Variants in EFCAB11 observed in about 807,000 individuals in gnomAD.
EFCAB11 encodes EF-hand calcium-binding domain-containing protein 11.
A neutral mutation model predicts 23.0 loss-of-function variants in EFCAB11; 14 were observed. The observed-to-expected ratio is 0.61, with a 90% CI of 0.40 to 0.95. EFCAB11 has a LOEUF of 0.95. Among genes scored for constraint, EFCAB11 ranks in the 40% least tolerant of loss-of-function variants. The probability of loss-of-function intolerance (pLI) is 0.00; values close to 1 mark genes in which losing one functional copy is unlikely to be tolerated. For missense variants in EFCAB11, 198 were observed against 195.8 expected, an observed-to-expected ratio of 1.01 and a Z score of -0.07; for synonymous variants, 65 against 66.6, an observed-to-expected ratio of 0.98 and a Z score of 0.11.
chr14:89,932,087 C>A (rs925100422), intron 4 of EFCAB11, among the ~76,000 whole-genome samples: 1 of 152,180 alleles, frequency 6.6e-6, no homozygotes, highest in Non-Finnish European at 1.5e-5. Flanking sequence ...TGAGTCTTTT[C>A]ATTCTGTGTA....
At chr14:89,910,529 G>A (rs1275808398) in intron 5 of EFCAB11, among the ~76,000 whole-genome samples, 4 of 152,056 alleles carry the variant, frequency 2.6e-5, no homozygotes, top group African/African-American at 9.7e-5. Flanking sequence ...ACCAGGAGGC[G>A]GAGACTGCAG....
intron 5 of EFCAB11, among the ~76,000 whole-genome samples, chr14:89,897,705 T>C (rs924299430): frequency 6.6e-6 from 1 of 152,170 alleles, no homozygotes; most frequent in Non-Finnish European, 1.5e-5. Flanking sequence ...CATGGAAAAA[T>C]TATGTTTAAA....
intron 5 of EFCAB11, among the ~76,000 whole-genome samples, chr14:89,834,330 C>T (rs1021807538): frequency 1.0e-4 from 14 of 136,896 alleles, no homozygotes; most frequent in Admixed American, 3.2e-4. Flanking sequence ...GAGCCGAGAT[C>T]GCACCACTGC....
chr14:89,945,367 C>T (rs141775042), intron 3 of EFCAB11, among the ~76,000 whole-genome samples: 112 of 152,272 alleles, frequency 7.4e-4, no homozygotes, highest in African/African-American at 2.6e-3. Flanking sequence ...AAAGTTAGTG[C>T]TACCACTTTC....
intron 5 of EFCAB11, among the ~76,000 whole-genome samples, chr14:89,805,693 GCCTCC>G (rs1466655023): frequency 6.6e-6 from 1 of 152,094 alleles, no homozygotes; most frequent in African/African-American, 2.4e-5. Context: ...CATGCCTGAA[GCCTCC>G]CCTATGTCAA....
chr14:89,869,027 C>T lies in EFCAB11; in HGVS notation c.410+62514G>A, dbSNP rs148037292. On this transcript the variant is annotated intron_variant, in intron 5 of 5. Coordinates refer to ENST00000316738, the MANE Select transcript of EFCAB11 (RefSeq NM_145231.4). ...GACCAGCCTGGGTAACATAGTGAGA[C>T]CTCAACTCTACAAAAAAAAAATTAA... is the stretch of plus-strand genomic sequence containing the variant. 1.2e-4 allele frequency among the ~76,000 whole-genome samples: 18 copies of T among 150,490 alleles called. 1 individual carries two copies. The East Asian group carries it at 3.3e-3, about 28-fold the overall frequency.
chr14:89,922,680 T>A (rs1566812148), intron 5 of EFCAB11, among the ~76,000 whole-genome samples: 1 of 152,210 alleles, frequency 6.6e-6, no homozygotes, highest in Non-Finnish European at 1.5e-5. Flanking sequence ...AAGTCATCTA[T>A]TCAAGACCTA....
At chr14:89,890,705 G>A (rs1339903725) in intron 5 of EFCAB11, among the ~76,000 whole-genome samples, 2 of 152,204 alleles carry the variant, frequency 1.3e-5, no homozygotes, top group Non-Finnish European at 2.9e-5. Flanking sequence ...AATTCTTGAG[G>A]CTAGCTTGAA....
intron 5 of EFCAB11, among the ~76,000 whole-genome samples, chr14:89,814,308 G>T (rs960420312): frequency 4.6e-5 from 7 of 152,126 alleles, no homozygotes; most frequent in African/African-American, 1.2e-4. Flanking sequence ...GGTCTGGTCC[G>T]CTGGGACAAA....
intron 3 of EFCAB11, among the ~76,000 whole-genome samples, chr14:89,937,052 T>C (rs1890611095): frequency 6.6e-6 from 1 of 152,240 alleles, no homozygotes; most frequent in Non-Finnish European, 1.5e-5. Flanking sequence ...ACTGTTCCAC[T>C]ACTAATAGTT....
At chr14:89,827,315 T>C (rs1460591672) in intron 5 of EFCAB11, among the ~76,000 whole-genome samples, 18 of 152,044 alleles carry the variant, frequency 1.2e-4, no homozygotes. Context: ...GAGGACACCA[T>C]AGGAAAACGC....
intron 5 of EFCAB11, among the ~76,000 whole-genome samples, chr14:89,872,888 T>A (rs1888326690): frequency 6.6e-6 from 1 of 151,754 alleles, no homozygotes; most frequent in Non-Finnish European, 1.5e-5. Context: ...GAAGAATATG[T>A]GAAGATACAG....
intron 5 of EFCAB11, among the ~76,000 whole-genome samples, chr14:89,799,862 A>C (rs1885711487): frequency 6.6e-6 from 1 of 152,140 alleles, no homozygotes; most frequent in African/African-American, 2.4e-5. Context: ...TTAAAGAAAG[A>C]AACTATCACC....
In EFCAB11 at chr14:89,929,054, C is replaced by A. The variant is rs1161824397; in HGVS notation, c.410+2487G>T. 2.0e-4 allele frequency among the ~76,000 whole-genome samples: 22 copies of A among 112,128 alleles called. 1 individual carries two copies. In the Admixed American group the frequency reaches 2.4e-3, roughly 12 times the overall value. The allele number at this position is 112,128 out of a possible 152,430, so 73.6% of individuals were successfully genotyped here. On this transcript the variant is annotated intron_variant, in intron 5 of 5. Transcript: ENST00000316738. ...ACATATATATATATATACACACACA[C>A]ATATTTTTTTTTAGGAGGGTCTTGC...
chr14:89,935,747 G>C (rs575809060), intron 3 of EFCAB11, among the ~76,000 whole-genome samples: 1 of 152,124 alleles, frequency 6.6e-6, no homozygotes, highest in African/African-American at 2.4e-5. Flanking sequence ...GGTAGCTCAC[G>C]CCTGTAATCC....
intron 4 of EFCAB11, 62 bp downstream of exon 4, chr14:89,932,464 A>G (rs1298447911): frequency 1.6e-6 from 2 of 1,265,662 alleles, no homozygotes; most frequent in African/African-American, 3.0e-5. Flanking sequence ...TGGGTATATA[A>G]TCCTATTTGC....
At chr14:89,839,043 G>A (rs1887175050) in intron 5 of EFCAB11, among the ~76,000 whole-genome samples, 1 of 152,210 alleles carries the variant, frequency 6.6e-6, no homozygotes, top group East Asian at 1.9e-4. Context: ...GAGGTTAGTG[G>A]ATGACAGTAT....
At chr14:89,954,734 G>A, upstream of EFCAB11, 1 of 1,551,872 alleles carries the variant, frequency 6.4e-7, no homozygotes, top group Middle Eastern at 1.7e-4. Context: ...GCAGCCTACC[G>A]CGGCCACGCC....
chr14:89,847,435 A>G (rs1375539540), intron 5 of EFCAB11, among the ~76,000 whole-genome samples: 1 of 152,070 alleles, frequency 6.6e-6, no homozygotes, highest in East Asian at 1.9e-4. Flanking sequence ...CCATATGCAC[A>G]CTGATTAAGA....
Sources: allele counts gnomAD v4.1 joint callset (sites outside exome capture counted in the v4.1 genomes callset), GRCh38; gene constraint gnomAD v4.1.1; transcripts MANE v1.5; gene names NCBI Gene and HGNC (gene_info 2026-07-23, HGNC 2026-07-21).